The following ZNF221 variants were observed in gnomAD, a reference collection of about 807,000 sequenced individuals.
ZNF221 encodes the protein zinc finger protein 221.
Under a neutral mutation model 12.6 loss-of-function variants are expected in ZNF221, and 10 were observed. The observed-to-expected ratio is 0.79, with a 90% CI of 0.49 to 1.34. The LOEUF is 1.34. ZNF221 is among the 40% of genes most tolerant of loss of function. ZNF221 has a pLI of 0.00. For missense variants in ZNF221, 661 were observed against 721.4 expected (o/e 0.92, Z 0.96); for synonymous variants, 232 against 244.0 (o/e 0.95, Z 0.46).
At chr19:43,977,290 G>A in the ZNF221 span, 1 of 152,096 alleles carries the variant, frequency 6.6e-6, no homozygotes, top group African/African-American at 2.4e-5. Context: ...TACCAAAGCA[G>A]TTATGTGATG....
At chr19:43,956,079 A>C (rs1323632174) in intron 1 of ZNF221, among the ~76,000 whole-genome samples, 1 of 152,126 alleles carries the variant, frequency 6.6e-6, no homozygotes, top group Non-Finnish European at 1.5e-5. Flanking sequence ...TTCAAGTCAA[A>C]ATTTTCTAGT....
the ZNF221 span, among the ~76,000 whole-genome samples, chr19:43,979,256 T>A: frequency 3.9e-5 from 6 of 152,154 alleles, no homozygotes; most frequent in East Asian, 1.2e-3. Context: ...AAAGGCTGTA[T>A]AAATAAGTTG....
the ZNF221 span, among the ~76,000 whole-genome samples, chr19:43,978,933 GTTTT>G: frequency 7.3e-3 from 1,038 of 141,878 alleles, 18 homozygotes; most frequent in African/African-American, 0.026. Flanking sequence ...GTGTGTGTGT[GTTTT>G]TTTTTTTTTT....
the ZNF221 span, among the ~76,000 whole-genome samples, chr19:43,981,304 T>G: frequency 6.6e-6 from 1 of 152,218 alleles, no homozygotes; most frequent in African/African-American, 2.4e-5. Context: ...TTAGCTAGTT[T>G]CAAGGCAAGA....
downstream of ZNF221, chr19:43,968,221 G>A (rs2147348140): frequency 1.3e-5 from 2 of 152,358 alleles, 1 homozygote; most frequent in Non-Finnish European, 2.9e-5. Context: ...TACCCACGTG[G>A]TTTTAGAACC....
At chr19:43,958,438 A>G (rs560925442) in intron 1 of ZNF221, among the ~76,000 whole-genome samples, 4 of 152,340 alleles carry the variant, frequency 2.6e-5, no homozygotes, top group African/African-American at 7.2e-5. Context: ...GAGCATTTAT[A>G]GGGTGAGTTG....
chr19:43,979,960 T>C, the ZNF221 span, among the ~76,000 whole-genome samples: 2 of 152,224 alleles, frequency 1.3e-5, no homozygotes, highest in Admixed American at 1.3e-4. Flanking sequence ...ATATATTGGA[T>C]AATCCCAAGC....
intron 1 of ZNF221, among the ~76,000 whole-genome samples, chr19:43,953,458 C>G (rs1048629817): frequency 6.6e-6 from 1 of 152,078 alleles, no homozygotes; most frequent in Non-Finnish European, 1.5e-5. Flanking sequence ...TTTATGGAAA[C>G]TTCATTGCAT....
chr19:43,968,608 G>A (rs1024786134), downstream of ZNF221, among the ~76,000 whole-genome samples: 2 of 152,222 alleles, frequency 1.3e-5, no homozygotes, highest in Non-Finnish European at 2.9e-5. Flanking sequence ...CCAATTAGAA[G>A]CAGCTATGGT....
At position 43,967,048 on chromosome 19, in the gene ZNF221, A is replaced by G; in HGVS notation, c.1546A>G (p.Thr516Ala). The change falls in exon 5 of 5, where the codon ACT (threonine) becomes GCT (alanine). Residue 516 changes from threonine (T) to alanine (A), a missense_variant. Coordinates refer to ENST00000587682, the MANE Select transcript of ZNF221 (RefSeq NM_001297588.2). ...ATGTGAAGAGTGTGGAAAGAGATTTACTCAGAGTTCACAACTTCATTCCCA... is the reference window on the plus strand; with the variant it reads ...ATGTGAAGAGTGTGGAAAGAGATTTGCTCAGAGTTCACAACTTCATTCCCA... ...FKCEECGKRF[T>A]QSSQLHSHQT... The G allele has an allele frequency of 6.3e-7, 1 of 1,597,494 alleles. No individual in the cohort carries two copies. Among genetic ancestry groups the G allele is most frequent in the Non-Finnish European group, 8.6e-7 (1 of 1,169,574 alleles).
chr19:43,973,429 T>G, the ZNF221 span, among the ~76,000 whole-genome samples: 1 of 151,998 alleles, frequency 6.6e-6, no homozygotes, highest in Non-Finnish European at 1.5e-5. Flanking sequence ...GTGAAAGAAA[T>G]AAAGCATATT....
intron 2 of ZNF221, among the ~76,000 whole-genome samples, chr19:43,963,509 T>G (rs1786367989): frequency 6.6e-6 from 1 of 152,218 alleles, no homozygotes; most frequent in Non-Finnish European, 1.5e-5. Flanking sequence ...CATGCCTTAC[T>G]CATACCTTGT....
At chr19:43,970,682 C>A (rs1246197968), downstream of ZNF221, among the ~76,000 whole-genome samples, 1 of 152,050 alleles carries the variant, frequency 6.6e-6, no homozygotes, top group Non-Finnish European at 1.5e-5. Context: ...TGAAGACTAT[C>A]TTTCTGAAAT....
chr19:43,965,443 A>G, intron 4 of ZNF221, 118 bp downstream of exon 4: 1 of 798,200 alleles, frequency 1.3e-6, no homozygotes, highest in Non-Finnish European at 1.9e-6. Context: ...AACTTATTGC[A>G]ACTGCCTTCC....
chr19:43,954,083 CAAA>C (rs5828186), intron 1 of ZNF221, among the ~76,000 whole-genome samples: 7 of 86,666 alleles, frequency 8.1e-5, no homozygotes, highest in African/African-American at 1.4e-4. Context: ...GACTCCGTCT[CAAA>C]AAAAAAAAAA....
At chr19:43,965,111 G>A (rs759462798) in intron 3 of ZNF221, 35 bp downstream of exon 3, 1 of 1,608,948 alleles carries the variant, frequency 6.2e-7, no homozygotes, top group African/African-American at 1.3e-5. Context: ...AGAATGTTAG[G>A]CCCCAGGAAT....
intron 1 of ZNF221, among the ~76,000 whole-genome samples, chr19:43,960,884 G>A (rs1404944515): frequency 6.6e-6 from 1 of 152,210 alleles, no homozygotes; most frequent in Non-Finnish European, 1.5e-5. Context: ...CACAGTGGGG[G>A]AGCCCCAACA....
chr19:43,975,026 AAAAAAAAAGTC>A, the ZNF221 span, among the ~76,000 whole-genome samples: 2 of 152,110 alleles, frequency 1.3e-5, no homozygotes, highest in African/African-American at 4.8e-5. Flanking sequence ...TGTCTCAAAA[AAAAAAAAAGTC>A]AAAAAGCAAC....
rs1392007782 is a variant in ZNF221, at chr19:43,965,893, A to G, written c.391A>G (p.Ser131Gly). Reference sequence around the variant, plus strand: ...TCAGCAAATATGGGAACAAATTGCAAGTGACCTAACCAGGTCTCAAAACTC... The same window carrying G: ...TCAGCAAATATGGGAACAAATTGCAGGTGACCTAACCAGGTCTCAAAACTC... The part of the protein sequence containing the change: ...SCQQIWEQIA[S>G]DLTRSQNSIR... The change falls in exon 5 of 5, where the codon AGT (serine) becomes GGT (glycine). Residue 131 changes from serine to glycine, a missense_variant. Transcript: ENST00000587682. 1 of 1,614,178 alleles carries G rather than the reference A, an allele frequency of 6.2e-7. No homozygotes were observed.
Sources: allele counts gnomAD v4.1 joint callset (sites outside exome capture counted in the v4.1 genomes callset), GRCh38; gene constraint gnomAD v4.1.1; transcripts MANE v1.5; gene names NCBI Gene and HGNC (gene_info 2026-07-23, HGNC 2026-07-21).